PRKCE: variants seen among roughly 807,000 people sequenced by gnomAD.
PRKCE encodes protein kinase C epsilon.
Under a neutral mutation model 85.4 loss-of-function variants are expected in PRKCE, and 16 were observed. The observed-to-expected ratio is 0.19, with a 90% CI of 0.13 to 0.28. The LOEUF is 0.28. Ranked by LOEUF, PRKCE falls within the 10% of genes least tolerant of loss-of-function variation. PRKCE has a pLI of 1.00. For missense variants in PRKCE, 573 were observed against 975.2 expected, an observed-to-expected ratio of 0.59 and a Z score of 5.49; for synonymous variants, 388 against 371.5, an observed-to-expected ratio of 1.04 and a Z score of -0.51.
At chr2:46,009,576 A>G (rs191002701) in intron 9 of PRKCE, among the ~76,000 whole-genome samples, 15 of 152,356 alleles carry the variant, frequency 9.8e-5, no homozygotes, top group Non-Finnish European at 1.9e-4. Context: ...CTAGTGGCAC[A>G]TTGTATCACA....
chr2:46,160,431 C>T (rs1310722010), intron 14 of PRKCE, among the ~76,000 whole-genome samples: 1 of 152,200 alleles, frequency 6.6e-6, no homozygotes. Flanking sequence ...CTGGCAGTGG[C>T]CTTCTGCTGG....
At chr2:45,725,829 C>A (rs1241178213) in intron 1 of PRKCE, among the ~76,000 whole-genome samples, 10 of 144,774 alleles carry the variant, frequency 6.9e-5, no homozygotes, top group Admixed American at 2.1e-4. Context: ...GACTCCATCT[C>A]AAAAAAAAAA....
At chr2:45,985,445 C>T (rs1024892022) in intron 6 of PRKCE, among the ~76,000 whole-genome samples, 1 of 151,992 alleles carries the variant, frequency 6.6e-6, no homozygotes, top group Non-Finnish European at 1.5e-5. Flanking sequence ...GTTGGGCAAC[C>T]GTGAACTACT....
At chr2:46,016,379 C>G (rs1309352530) in intron 10 of PRKCE, among the ~76,000 whole-genome samples, 1 of 152,008 alleles carries the variant, frequency 6.6e-6, no homozygotes, top group African/African-American at 2.4e-5. Flanking sequence ...AGAGAAAGAT[C>G]GTCACTGGTT....
chr2:46,109,404 A>G (rs1231468846), intron 11 of PRKCE, among the ~76,000 whole-genome samples: 1 of 152,152 alleles, frequency 6.6e-6, no homozygotes, highest in Non-Finnish European at 1.5e-5. Context: ...AGTTTTCTAC[A>G]TACAGATCCT....
At chr2:45,671,551 C>G (rs1400334745) in intron 1 of PRKCE, among the ~76,000 whole-genome samples, 1 of 152,104 alleles carries the variant, frequency 6.6e-6, no homozygotes, top group Non-Finnish European at 1.5e-5. Context: ...TCTTTCCTTC[C>G]TACCTTATTC....
At chr2:45,670,443 A>G (rs2103824342) in intron 1 of PRKCE, among the ~76,000 whole-genome samples, 1 of 152,334 alleles carries the variant, frequency 6.6e-6, no homozygotes, top group Middle Eastern at 3.4e-3. Context: ...ATTGAACAAT[A>G]TACACATTAT....
intron 10 of PRKCE, among the ~76,000 whole-genome samples, chr2:46,030,616 C>T (rs1261090939): frequency 6.6e-6 from 1 of 152,176 alleles, no homozygotes; most frequent in Non-Finnish European, 1.5e-5. Context: ...TTTGGGGATG[C>T]ATAAGATCTA....
At chr2:45,706,402 C>A (rs1679117462) in intron 1 of PRKCE, among the ~76,000 whole-genome samples, 1 of 152,148 alleles carries the variant, frequency 6.6e-6, no homozygotes, top group African/African-American at 2.4e-5. Context: ...TTCATCTTTC[C>A]CTTCTTTTCT....
intron 10 of PRKCE, chr2:46,078,454 C>T (rs1668749741): frequency 6.6e-6 from 1 of 151,280 alleles, no homozygotes; most frequent in South Asian, 2.1e-4. Context: ...GTGGGAGGGT[C>T]ATTTGAGCCC....
chr2:46,135,670 A>ATCTTTGAC (rs1218021506), intron 11 of PRKCE, among the ~76,000 whole-genome samples: 1 of 143,544 alleles, frequency 7.0e-6, no homozygotes, highest in East Asian at 2.1e-4. Flanking sequence ...ATGAAATATT[A>ATCTTTGAC]TCTTTGACTC....
intron 2 of PRKCE, among the ~76,000 whole-genome samples, chr2:45,847,307 C>T (rs1434595617): frequency 1.3e-5 from 2 of 152,170 alleles, no homozygotes; most frequent in Non-Finnish European, 2.9e-5. Flanking sequence ...AGCATGTGGT[C>T]CCCATCCTCT....
chr2:45,948,375 C>T (rs1700381781), intron 2 of PRKCE, among the ~76,000 whole-genome samples: 1 of 152,222 alleles, frequency 6.6e-6, no homozygotes, highest in Non-Finnish European at 1.5e-5. Flanking sequence ...TGCAGTGGCT[C>T]ATGCCTGTAA....
intron 2 of PRKCE, among the ~76,000 whole-genome samples, chr2:45,962,294 G>A (rs183280611): frequency 6.6e-6 from 1 of 152,312 alleles, no homozygotes; most frequent in Admixed American, 6.5e-5. Flanking sequence ...TAAGAAATCT[G>A]GCTGAGATTT....
intron 10 of PRKCE, among the ~76,000 whole-genome samples, chr2:46,063,348 GAAAA>G (rs547596116): frequency 7.0e-4 from 83 of 118,034 alleles, no homozygotes; most frequent in African/African-American, 2.5e-3. Context: ...AAGTTGAACA[GAAAA>G]AAAAAAAAAA....
intron 11 of PRKCE, among the ~76,000 whole-genome samples, chr2:46,109,576 T>C (rs1672063383): frequency 1.3e-5 from 2 of 152,164 alleles, no homozygotes; most frequent in East Asian, 1.9e-4. Context: ...CATTCTATTA[T>C]GTTTATTAAT....
intron 2 of PRKCE, among the ~76,000 whole-genome samples, chr2:45,942,933 C>T (rs78448430): frequency 0.046 from 7,025 of 152,174 alleles, 220 homozygotes; most frequent in Non-Finnish European, 0.07. Context: ...AAGTTGTCCC[C>T]CCAACCTCTT....
chr2:46,015,226 T>G (rs1279182847), intron 10 of PRKCE, among the ~76,000 whole-genome samples: 1 of 147,326 alleles, frequency 6.8e-6, no homozygotes, highest in East Asian at 1.9e-4. Flanking sequence ...GGTAGTTTTG[T>G]TTTTTTTTTC....
intron 1 of PRKCE, among the ~76,000 whole-genome samples, chr2:45,842,768 C>T (rs936549314): frequency 6.6e-6 from 1 of 152,168 alleles, no homozygotes; most frequent in Admixed American, 6.5e-5. Flanking sequence ...GCCAAGCATC[C>T]CCTGTGTAGC....
Sources: gnomAD v4.1 joint callset for allele counts (sites outside exome capture counted in the v4.1 genomes callset) on GRCh38, gnomAD v4.1.1 for gene constraint, MANE v1.5 for transcripts, NCBI Gene and HGNC (gene_info 2026-07-23, HGNC 2026-07-21) for gene names.